HS3ST4: variants seen among roughly 807,000 people sequenced by gnomAD.
HS3ST4 encodes the protein heparan sulfate glucosamine 3-O-sulfotransferase 4.
In HS3ST4, 17 loss-of-function variants were observed where a neutral mutation model predicts 29.2. That is an observed-to-expected ratio of 0.58 (90% CI 0.40 to 0.87). HS3ST4 has a LOEUF of 0.87. HS3ST4 is among the 40% of genes least tolerant of loss of function. The pLI is 0.00. For synonymous variants in HS3ST4, 314 were observed against 285.7 expected, an observed-to-expected ratio of 1.10 and a Z score of -1.00; for missense variants, 627 against 634.5, an observed-to-expected ratio of 0.99 and a Z score of 0.13.
At chr16:25,818,532 A>G (rs906009763) in intron 1 of HS3ST4, among the ~76,000 whole-genome samples, 5 of 152,208 alleles carry the variant, frequency 3.3e-5, no homozygotes, top group Non-Finnish European at 7.3e-5. Flanking sequence ...CTAGGGTTGC[A>G]AAACATCTTC....
chr16:25,812,014 G>A (rs1278857102), intron 1 of HS3ST4, among the ~76,000 whole-genome samples: 1 of 152,132 alleles, frequency 6.6e-6, no homozygotes, highest in Non-Finnish European at 1.5e-5. Flanking sequence ...TTTTAGTGCT[G>A]TGTAGTATTC....
intron 1 of HS3ST4, among the ~76,000 whole-genome samples, chr16:25,973,501 T>C (rs1968916045): frequency 6.6e-6 from 1 of 152,196 alleles, no homozygotes; most frequent in Non-Finnish European, 1.5e-5. Flanking sequence ...GATGTGCCCA[T>C]GAAGAGTTCA....
At chr16:25,921,043 A>G (rs1424274135) in intron 1 of HS3ST4, among the ~76,000 whole-genome samples, 1 of 152,124 alleles carries the variant, frequency 6.6e-6, no homozygotes, top group East Asian at 1.9e-4. Flanking sequence ...TAATAACACT[A>G]TACATTTTAC....
chr16:25,775,055 T>G (rs940257189), intron 1 of HS3ST4, among the ~76,000 whole-genome samples: 11 of 152,238 alleles, frequency 7.2e-5, no homozygotes, highest in African/African-American at 2.7e-4. Context: ...ACTGAGTCGC[T>G]GTCGCACCCA....
At chr16:25,873,481 TCTATCTATCTA>T (rs1967788285) in intron 1 of HS3ST4, among the ~76,000 whole-genome samples, 1 of 7,938 alleles carries the variant, frequency 1.3e-4, no homozygotes, top group African/African-American at 3.9e-4. Flanking sequence ...CATCTATCTC[TCTATCTATCTA>T]TCTATCTATC....
chr16:26,088,298 G>T (rs1274805900), intron 1 of HS3ST4, among the ~76,000 whole-genome samples: 2 of 152,204 alleles, frequency 1.3e-5, no homozygotes, highest in Admixed American at 1.3e-4. Flanking sequence ...AGGGATTGTG[G>T]TGATAGTTTT....
intron 1 of HS3ST4, among the ~76,000 whole-genome samples, chr16:25,842,633 G>A (rs1200925507): frequency 6.6e-6 from 1 of 152,182 alleles, no homozygotes; most frequent in African/African-American, 2.4e-5. Context: ...TTATTAGGAA[G>A]TAATTAGGAA....
At position 25,786,870 on chromosome 16, in the gene HS3ST4, C is replaced by T. The variant is rs1005168403; in HGVS notation, c.734+93719C>T. ...AGTGACAGCCACGTGACTGTGATTC[C>T]GGGAGGGGGATGCTGTCAGCAGCAT... On this transcript the variant is annotated intron_variant, in intron 1 of 1. Transcript: ENST00000331351. Among the ~76,000 whole-genome samples, 4 of 152,162 alleles carry T rather than the reference C, an allele frequency of 2.6e-5. 1 individual carries two copies. In the South Asian group the frequency reaches 6.2e-4, roughly 24 times the overall value.
chr16:26,067,176 A>G (rs1224533702), intron 1 of HS3ST4, among the ~76,000 whole-genome samples: 1 of 152,174 alleles, frequency 6.6e-6, no homozygotes, highest in Non-Finnish European at 1.5e-5. Context: ...TGCAATTGAA[A>G]TAAAAATAAA....
At chr16:25,919,302 T>C (rs1280587422) in intron 1 of HS3ST4, among the ~76,000 whole-genome samples, 6 of 152,034 alleles carry the variant, frequency 3.9e-5, no homozygotes, top group Non-Finnish European at 8.8e-5. Flanking sequence ...AGTGTTGGGA[T>C]TACAGGTGAG....
chr16:26,065,529 C>T (rs1399099513), intron 1 of HS3ST4, among the ~76,000 whole-genome samples: 1 of 152,008 alleles, frequency 6.6e-6, no homozygotes, highest in African/African-American at 2.4e-5. Context: ...GGGTAGTGGG[C>T]TTAATACATG....
chr16:25,801,589 T>C (rs1966934982), intron 1 of HS3ST4, among the ~76,000 whole-genome samples: 2 of 152,186 alleles, frequency 1.3e-5, no homozygotes, highest in South Asian at 4.1e-4. Context: ...TAAGGTCTGG[T>C]GAGACTTTGC....
intron 1 of HS3ST4, among the ~76,000 whole-genome samples, chr16:26,038,165 A>C (rs2141757061): frequency 6.6e-6 from 1 of 152,212 alleles, no homozygotes; most frequent in South Asian, 2.1e-4. Context: ...CGTCAAGCTC[A>C]GCCCTCTGGA....
intron 1 of HS3ST4, among the ~76,000 whole-genome samples, chr16:25,870,437 A>C (rs964677706): frequency 2.0e-5 from 3 of 152,218 alleles, no homozygotes; most frequent in Admixed American, 1.3e-4. Context: ...TGACATCTGC[A>C]TAAAGATTTA....
intron 1 of HS3ST4, among the ~76,000 whole-genome samples, chr16:26,045,159 A>G (rs1898249653): frequency 6.6e-6 from 1 of 152,150 alleles, no homozygotes; most frequent in South Asian, 2.1e-4. Context: ...CTACCGTGGC[A>G]TTTCTCAGCT....
chr16:25,716,302 A>G (rs1382701594), intron 1 of HS3ST4, among the ~76,000 whole-genome samples: 9 of 152,170 alleles, frequency 5.9e-5, no homozygotes, highest in African/African-American at 2.2e-4. Flanking sequence ...GCACCTGACA[A>G]TCTGGAATAA....
At chr16:25,899,504 ATT>A (rs34366620) in intron 1 of HS3ST4, among the ~76,000 whole-genome samples, 19 of 150,422 alleles carry the variant, frequency 1.3e-4, no homozygotes, top group Admixed American at 4.0e-4. Flanking sequence ...TCCTTTTTAA[ATT>A]TTTTTTTTTT....
chr16:26,099,573 G>A (rs780653241), intron 1 of HS3ST4, among the ~76,000 whole-genome samples: 4 of 152,126 alleles, frequency 2.6e-5, no homozygotes, highest in South Asian at 2.1e-4. Flanking sequence ...ATTTTAAAAC[G>A]AAAGGAACTC....
intron 1 of HS3ST4, among the ~76,000 whole-genome samples, chr16:26,105,432 A>G (rs184936893): frequency 1.3e-5 from 2 of 152,338 alleles, no homozygotes; most frequent in African/African-American, 4.8e-5. Context: ...TTCATACTCC[A>G]AACTTTAGCA....
Sources: allele counts gnomAD v4.1 joint callset (sites outside exome capture counted in the v4.1 genomes callset), GRCh38; gene constraint gnomAD v4.1.1; transcripts MANE v1.5; gene names NCBI Gene and HGNC (gene_info 2026-07-23, HGNC 2026-07-21).